The following CHRD variants were observed in gnomAD, a reference collection of about 807,000 sequenced individuals.
CHRD encodes chordin.
CHRD carries 69 observed loss-of-function variants against 113.7 expected under a neutral mutation model. The observed-to-expected ratio is 0.61, with a 90% CI of 0.50 to 0.74. The LOEUF (loss-of-function observed/expected upper bound fraction) is 0.74. CHRD is among the 30% of genes least tolerant of loss of function. The pLI is 0.00. For missense variants in CHRD, 1,194 were observed against 1,295.8 expected (o/e 0.92, Z 1.21); for synonymous variants, 561 against 540.8 (o/e 1.04, Z -0.52).
At position 184,387,997 on chromosome 3, in the gene CHRD, C is replaced by T; in HGVS notation, c.2518C>T (p.Arg840Cys). The change falls in exon 20 of 23, where the codon CGT becomes TGT. Residue 840 changes from arginine (R) to cysteine (C), a missense_variant. Coordinates refer to ENST00000204604, the Ensembl canonical transcript of CHRD. The surrounding 1 kb of genome is among the most constrained non-coding windows in gnomAD (Gnocchi z 6.1). ...CCGGCTGGCCTGTGCCCAGCCTGTGCGTGTCAACCCCACCGACTGCTGCAA... is the reference window on the plus strand; with the variant it reads ...CCGGCTGGCCTGTGCCCAGCCTGTGTGTGTCAACCCCACCGACTGCTGCAA... 2 of 1,613,730 alleles carry T rather than the reference C, an allele frequency of 1.2e-6. No individual in the cohort carries two copies. The highest frequency in any genetic ancestry group is 1.7e-6 in the Non-Finnish European group (2 of 1,179,936).
chr3:184,380,556 T>TCGGCGCGGCGGGCGGCC lies in CHRD; in HGVS notation c.148+94_148+110dup. The TCGGCGCGGCGGGCGGCC allele has an allele frequency of 3.0e-6, 3 of 992,170 alleles. No individual in the cohort carries two copies. The highest frequency in any genetic ancestry group is 9.5e-5 in the South Asian group (2 of 20,982). The allele number at this position is 992,170 out of a possible 1,614,324, so 61.5% of individuals were successfully genotyped here. ...GGAGGGGGCGCGGGGCGCAGGTGGC[T>TCGGCGCGGCGGGCGGCC]CGGCGCGGCGGGCGGCCCGGAGGGT... On this transcript the variant is annotated intron_variant, in intron 1 of 22. Coordinates refer to ENST00000204604, the Ensembl canonical transcript of CHRD. This position sits in a 1 kb window ranked among gnomAD's most constrained non-coding sequence, Gnocchi z 6.3.
At chr3:184,389,333 C>A (rs751373352) in intron 22 of CHRD, 34 bp from the exon 23 acceptor site, 1 of 1,606,580 alleles carries the variant, frequency 6.2e-7, no homozygotes, top group Admixed American at 1.7e-5. Context: ...ACTCCCTCTC[C>A]CCTCCTCCAA....
Position 184,384,365 on chromosome 3 carries a change from A to G in CHRD, c.1441-172A>G, listed in dbSNP as rs930279015. ...TTAAGTTACTCTTGAAGGTTGTTACATAGCTAGGAAGCAGCAGGGGAGGGC... is the reference window on the plus strand; with the variant it reads ...TTAAGTTACTCTTGAAGGTTGTTACGTAGCTAGGAAGCAGCAGGGGAGGGC... On this transcript the variant is annotated intron_variant, in intron 12 of 22. Transcript: ENST00000204604. The surrounding 1 kb of genome is among the most constrained non-coding windows in gnomAD (Gnocchi z 4.4). Among the ~76,000 whole-genome samples the G allele has an allele frequency of 1.3e-5, 2 of 152,208 alleles. No individual in the cohort carries two copies. Among genetic ancestry groups the G allele is most frequent in the Non-Finnish European group, 1.5e-5 (1 of 68,040 alleles).
At position 184,387,701 on chromosome 3, in the gene CHRD, C is replaced by G. The variant is rs1013496086; in HGVS notation, c.2451+224C>G. 6.6e-6 allele frequency among the ~76,000 whole-genome samples: 1 copy of G among 152,176 alleles called. No homozygotes were observed. The highest frequency in any genetic ancestry group is 1.5e-5 in the Non-Finnish European group (1 of 68,006). The stretch of plus-strand genomic sequence containing the variant: ...TGCCAGCTAACTAGTGCCAGTGACC[C>G]TAGGCACCTTCTGTCCCTGAGCCTC... On this transcript the variant is annotated intron_variant, in intron 19 of 22. Transcript: ENST00000204604. This position sits in a 1 kb window ranked among gnomAD's most constrained non-coding sequence, Gnocchi z 6.1.
In CHRD at chr3:184,381,188, G is replaced by T; in HGVS notation, c.253-47G>T. ...ATCCTTGCCTGGGGGGGTCTCATCA[G>T]TTGGCATCTTGCACTCACTTGGGTT... On this transcript the variant is annotated intron_variant, in intron 2 of 22. Coordinates refer to ENST00000204604, the Ensembl canonical transcript of CHRD. The surrounding 1 kb of genome is among the most constrained non-coding windows in gnomAD (Gnocchi z 4.7). 6.2e-7 allele frequency: 1 copy of T among 1,610,506 alleles called. No homozygotes were observed.
chr3:184,382,045 C>T (rs1715523860), intron 6 of CHRD, 25 bp downstream of exon 6: 2 of 1,612,276 alleles, frequency 1.2e-6, no homozygotes, highest in South Asian at 1.1e-5. Flanking sequence ...TTTATGAGCA[C>T]TTGCCCAGTC....
chr3:184,381,079 G>T lies in CHRD; in HGVS notation c.253-156G>T. 2 of 870,190 alleles carry T rather than the reference G, an allele frequency of 2.3e-6. No individual in the cohort carries two copies. The highest frequency in any genetic ancestry group is 1.6e-5 in the African/African-American group (1 of 60,944). The allele number at this position is 870,190 out of a possible 1,614,324, so 53.9% of individuals were successfully genotyped here. On this transcript the variant is annotated intron_variant, in intron 2 of 22. Coordinates refer to ENST00000204604, the Ensembl canonical transcript of CHRD. This position sits in a 1 kb window ranked among gnomAD's most constrained non-coding sequence, Gnocchi z 4.7. ...TATTATTATCCCCATTTTCCAGACA[G>T]GGACCTTGAGGCCCAGAGAGATGAA...
Position 184,388,033 on chromosome 3 carries a change from G to T in CHRD, c.2554G>T (p.Val852Leu), listed in dbSNP as rs762788894. The change falls in exon 20 of 23, where the codon GTG becomes TTG. Residue 852 changes from valine to leucine, a missense_variant and splice_region_variant. Physicochemically the swap from Val to Leu is conservative, Grantham distance 32. Coordinates refer to ENST00000204604, the Ensembl canonical transcript of CHRD. This position sits in a 1 kb window ranked among gnomAD's most constrained non-coding sequence, Gnocchi z 6.1. ...CACCGACTGCTGCAAACAGTGTCCA[G>T]GTGAGAGAGGTGGCTGAGCACTGAG... 6.2e-7 allele frequency: 1 copy of T among 1,612,440 alleles called. No individual in the cohort carries two copies. The highest frequency in any genetic ancestry group is 8.5e-7 in the Non-Finnish European group (1 of 1,179,434).
At position 184,381,775 on chromosome 3, in the gene CHRD, CTGCTG is replaced by C. The variant is rs761110741; in HGVS notation, c.572_576del (p.Leu191ProfsTer3). On this transcript the variant is annotated frameshift_variant, in exon 5 of 23. Transcript: ENST00000204604. LOFTEE classifies it high-confidence loss of function. The surrounding 1 kb of genome is among the most constrained non-coding windows in gnomAD (Gnocchi z 4.7). The stretch of plus-strand genomic sequence containing the variant: ...GGCGGTGGCACGAGCCCGAGTCTCG[CTGCTG>C]CGCTCTAGCCTCCGCTTCTCTATCT... 7 of 1,613,148 alleles carry C rather than the reference CTGCTG, an allele frequency of 4.3e-6. No individual in the cohort carries two copies. The highest frequency in any genetic ancestry group is 5.9e-6 in the Non-Finnish European group (7 of 1,179,982).
chr3:184,383,063 G>A (rs1398344110), exon 10 of CHRD: 4 of 1,611,962 alleles, frequency 2.5e-6, no homozygotes, highest in Non-Finnish European at 3.4e-6. Flanking sequence ...TCCAGGAGAT[G>A]GACTGGCTGG....
At chr3:184,383,664 G>A (rs764791082) in intron 12 of CHRD, 22 bp downstream of exon 12, 3 of 1,589,884 alleles carry the variant, frequency 1.9e-6, no homozygotes, top group Non-Finnish European at 1.7e-6. Flanking sequence ...AGGTGGAGCT[G>A]GACCCCAGGG....
At position 184,380,265 on chromosome 3, in the gene CHRD, C is replaced by A; in HGVS notation, c.-54C>A. ...CTCCGCACTCCCGCCTCCCTCCCTC[C>A]GCCCGCTCCCGCGCCCTCCTCCCTC... On this transcript the variant is annotated 5_prime_UTR_variant, in exon 1 of 23. Coordinates refer to ENST00000204604, the Ensembl canonical transcript of CHRD. The surrounding 1 kb of genome is among the most constrained non-coding windows in gnomAD (Gnocchi z 6.3). The A allele has an allele frequency of 3.1e-6, 3 of 979,468 alleles. No homozygotes were observed. Among genetic ancestry groups the A allele is most frequent in the Non-Finnish European group, 3.9e-6 (3 of 775,006 alleles). The allele number at this position is 979,468 out of a possible 1,614,324, so 60.7% of individuals were successfully genotyped here.
Position 184,386,178 on chromosome 3 carries a change from C to G in CHRD, c.1932+19C>G, listed in dbSNP as rs1021766837. 6.2e-7 allele frequency: 1 copy of G among 1,607,026 alleles called. No individual in the cohort carries two copies. Among genetic ancestry groups the G allele is most frequent in the Non-Finnish European group, 8.5e-7 (1 of 1,173,938 alleles). ...AGGGCAGGTAGGTGGCGAGTGTGGG[C>G]AGTGGGGGCAGTGGGGAGGGTGCAG... On this transcript the variant is annotated intron_variant, in intron 15 of 22. Transcript: ENST00000204604.
rs1716709949 is a variant in CHRD, at chr3:184,388,418, TCCA to T, written c.2555-168_2555-166del. On this transcript the variant is annotated intron_variant, in intron 20 of 22. Transcript: ENST00000204604. The surrounding 1 kb of genome is among the most constrained non-coding windows in gnomAD (Gnocchi z 6.1). ...ATCCATCCATCCATCCATCCATCCATCCATCCATCCATCCGTCCCTTCATCCAT... is the reference window on the plus strand; with the variant it reads ...ATCCATCCATCCATCCATCCATCCATTCCATCCATCCGTCCCTTCATCCAT... 6.6e-6 allele frequency among the ~76,000 whole-genome samples: 1 copy of T among 151,730 alleles called. No individual in the cohort carries two copies. Among genetic ancestry groups the T allele is most frequent in the African/African-American group, 2.4e-5 (1 of 41,300 alleles).
exon 16 of CHRD, chr3:184,386,731 G>T (rs1310340807): frequency 3.8e-5 from 62 of 1,612,598 alleles, no homozygotes; most frequent in Non-Finnish European, 4.9e-5. Context: ...ACTACGACCC[G>T]CTCTGCTCAC....
intron 22 of CHRD, 75 bp from the exon 23 acceptor site, chr3:184,389,292 C>T: frequency 3.5e-6 from 5 of 1,416,922 alleles, no homozygotes; most frequent in Non-Finnish European, 4.9e-6. Context: ...GGATGCTTTG[C>T]CCTGCCCTCT....
chr3:184,382,982 T>G, intron 9 of CHRD, 34 bp from the exon 10 acceptor site: 1 of 1,612,922 alleles, frequency 6.2e-7, no homozygotes, highest in Non-Finnish European at 8.5e-7. Context: ...CTTGGCCTCT[T>G]GCTATTGCCC....
intron 12 of CHRD, 133 bp downstream of exon 12, chr3:184,383,775 C>CT (rs58835715): frequency 0.29 from 121,310 of 423,442 alleles, 9,943 homozygotes; most frequent in Admixed American, 0.36. Context: ...ATTCATTTGA[C>CT]TTTTTTTTTT....
At position 184,381,218 on chromosome 3, in the gene CHRD, G is replaced by A. The variant is rs199868165; in HGVS notation, c.253-17G>A. On this transcript the variant is annotated splice_polypyrimidine_tract_variant and intron_variant, in intron 2 of 22. Coordinates refer to ENST00000204604, the Ensembl canonical transcript of CHRD. This position sits in a 1 kb window ranked among gnomAD's most constrained non-coding sequence, Gnocchi z 4.7. ...CATCTTGCACTCACTTGGGTTTCCC[G>A]CCTTTTCCGGGAGCAGCCTCAGTGG... is the stretch of plus-strand genomic sequence containing the variant. 3 of 1,612,960 alleles carry A rather than the reference G, an allele frequency of 1.9e-6. No homozygotes were observed. In the African/African-American group the frequency reaches 4.0e-5, roughly 21 times the overall value.
Sources: allele counts gnomAD v4.1 joint callset (sites outside exome capture counted in the v4.1 genomes callset), GRCh38; gene constraint gnomAD v4.1.1; non-coding constraint Gnocchi (gnomAD v3.1); transcripts MANE v1.5; gene names NCBI Gene and HGNC (gene_info 2026-07-23, HGNC 2026-07-21).